The following SNX29 variants were observed in gnomAD, a reference collection of about 807,000 sequenced individuals.
The protein encoded by SNX29 is sorting nexin 29.
In SNX29, 78 loss-of-function variants were observed where a neutral mutation model predicts 102.1. The ratio of observed to expected loss-of-function variants is 0.76; its 90% confidence interval spans 0.64 to 0.92. The LOEUF is 0.92. Among genes scored for constraint, SNX29 ranks in the 40% least tolerant of loss-of-function variants. The pLI is 0.00. For synonymous variants in SNX29, 580 were observed against 414.5 expected (o/e 1.40, Z -4.85); for missense variants, 1,280 against 1,061.7 (o/e 1.21, Z -2.86).
intron 18 of SNX29, among the ~76,000 whole-genome samples, chr16:12,446,868 A>G (rs1332754463): frequency 6.6e-6 from 1 of 152,022 alleles, no homozygotes; most frequent in African/African-American, 2.4e-5. Context: ...GGCAGGATTG[A>G]CATATGTAAA....
intron 20 of SNX29, among the ~76,000 whole-genome samples, chr16:12,553,477 G>T (rs2078120792): frequency 6.6e-6 from 1 of 152,090 alleles, no homozygotes; most frequent in Non-Finnish European, 1.5e-5. Context: ...AGCCCCAGCT[G>T]CTTAGACCAG....
At chr16:12,322,263 G>A (rs771082808) in intron 15 of SNX29, among the ~76,000 whole-genome samples, 1 of 152,112 alleles carries the variant, frequency 6.6e-6, no homozygotes, top group Non-Finnish European at 1.5e-5. Flanking sequence ...TGTGTTCCAC[G>A]CTGGAGCTGG....
At chr16:11,980,965 C>CTTTTTT (rs1289274238) in intron 1 of SNX29, among the ~76,000 whole-genome samples, 2 of 141,896 alleles carry the variant, frequency 1.4e-5, no homozygotes. Flanking sequence ...TTTTCATTTT[C>CTTTTTT]TTTTTTTTTT....
chr16:12,158,675 G>A (rs767173989), intron 13 of SNX29, among the ~76,000 whole-genome samples: 54 of 152,222 alleles, frequency 3.5e-4, no homozygotes, highest in Non-Finnish European at 6.8e-4. Flanking sequence ...GGACAGCGTG[G>A]CATGATGAAA....
chr16:12,332,195 C>T (rs892308860), intron 15 of SNX29, among the ~76,000 whole-genome samples: 1 of 152,176 alleles, frequency 6.6e-6, no homozygotes, highest in South Asian at 2.1e-4. Context: ...AATGAACTTT[C>T]ACCTGACTCA....
intron 15 of SNX29, among the ~76,000 whole-genome samples, chr16:12,294,186 C>T (rs1329926614): frequency 2.6e-5 from 4 of 152,186 alleles, no homozygotes; most frequent in South Asian, 4.1e-4. Context: ...CAGATGTCTG[C>T]GTCTATGGCC....
chr16:12,459,700 C>T (rs2086696177), intron 18 of SNX29, among the ~76,000 whole-genome samples: 1 of 152,144 alleles, frequency 6.6e-6, no homozygotes, highest in Non-Finnish European at 1.5e-5. Context: ...CTTGGGTGTG[C>T]AGAGGAGCAG....
At chr16:12,411,133 A>G (rs904665620) in intron 18 of SNX29, among the ~76,000 whole-genome samples, 6 of 152,202 alleles carry the variant, frequency 3.9e-5, no homozygotes, top group African/African-American at 1.4e-4. Flanking sequence ...TTCCAAATTT[A>G]GGGGAGAGAA....
rs534648447 is a variant in SNX29, at chr16:12,046,467, C to G, written c.499+13C>G. ...ACCATGGCAGCAGGTAAGCCTGGCC[C>G]AGACCAGGGTGCAGGGCCTTGTGAC... is the stretch of plus-strand genomic sequence containing the variant. On this transcript the variant is annotated intron_variant, in intron 6 of 20. Coordinates refer to ENST00000566228, the MANE Select transcript of SNX29 (RefSeq NM_032167.5). 7 of 1,613,516 alleles carry G rather than the reference C, an allele frequency of 4.3e-6. No individual in the cohort carries two copies. Among genetic ancestry groups the G allele is most frequent in the Non-Finnish European group, 4.2e-6 (5 of 1,179,648 alleles).
chr16:12,559,609 C>T (rs146903889), intron 20 of SNX29, among the ~76,000 whole-genome samples: 4 of 152,062 alleles, frequency 2.6e-5, no homozygotes, highest in Non-Finnish European at 5.9e-5. Context: ...GGGACTGCTG[C>T]CACGTGACCT....
chr16:12,101,444 C>T (rs1320663323), intron 11 of SNX29, among the ~76,000 whole-genome samples: 3 of 151,394 alleles, frequency 2.0e-5, no homozygotes, highest in South Asian at 2.1e-4. Context: ...AGTACAGTGG[C>T]GTGATCTTGG....
intron 14 of SNX29, among the ~76,000 whole-genome samples, chr16:12,271,922 C>G (rs2079103019): frequency 6.6e-6 from 1 of 152,162 alleles, no homozygotes; most frequent in East Asian, 1.9e-4. Flanking sequence ...TGTGCCCTGC[C>G]TGGGGTCCAT....
chr16:12,447,867 T>C (rs2086133489), intron 18 of SNX29, among the ~76,000 whole-genome samples: 3 of 152,114 alleles, frequency 2.0e-5, no homozygotes, highest in Non-Finnish European at 1.5e-5. Flanking sequence ...CACATCTGAG[T>C]GTCTCCATTG....
chr16:12,161,688 G>A (rs548501085), intron 13 of SNX29, among the ~76,000 whole-genome samples: 1 of 152,144 alleles, frequency 6.6e-6, no homozygotes, highest in Non-Finnish European at 1.5e-5. Context: ...ACTCCCCCTT[G>A]GTCATGAGTG....
chr16:12,284,037 G>A lies in SNX29; in HGVS notation c.1782+6001G>A, dbSNP rs189504416. Among the ~76,000 whole-genome samples, 389 of 152,342 alleles carry A rather than the reference G, an allele frequency of 2.6e-3. 2 individuals carry two copies. The highest frequency in any genetic ancestry group is 4.3e-3 in the Non-Finnish European group (291 of 68,040). On this transcript the variant is annotated intron_variant, in intron 15 of 20. Coordinates refer to ENST00000566228, the MANE Select transcript of SNX29 (RefSeq NM_032167.5). ...GACACATCCAAGATTGATCTCTTCT[G>A]AGACTCTTGCTTCTTTACCTCTTTT...
At chr16:12,169,041 G>A (rs1477081323) in intron 13 of SNX29, among the ~76,000 whole-genome samples, 1 of 152,202 alleles carries the variant, frequency 6.6e-6, no homozygotes, top group Admixed American at 6.5e-5. Context: ...CTCAAGACTT[G>A]GCCTCACTGC....
chr16:12,159,985 A>G (rs1245984390), intron 13 of SNX29, among the ~76,000 whole-genome samples: 1 of 152,132 alleles, frequency 6.6e-6, no homozygotes, highest in Non-Finnish European at 1.5e-5. Flanking sequence ...TCTATTCTTC[A>G]CCTCTCTTGT....
intron 18 of SNX29, among the ~76,000 whole-genome samples, chr16:12,415,545 G>A (rs1338593357): frequency 5.3e-5 from 8 of 152,264 alleles, no homozygotes; most frequent in African/African-American, 1.2e-4. Flanking sequence ...AGTTCTCCTC[G>A]CAGGCAGGTT....
chr16:12,322,834 C>CAGGATGTGGTCACTAGAGGACCACTGTG (rs1264259627), intron 15 of SNX29, among the ~76,000 whole-genome samples: 1 of 151,882 alleles, frequency 6.6e-6, no homozygotes, highest in African/African-American at 2.4e-5. Flanking sequence ...TGACCACTGT[C>CAGGATGTGGTCACTAGAGGACCACTGTG]AGGATGCGGT....
Sources: allele counts gnomAD v4.1 joint callset (sites outside exome capture counted in the v4.1 genomes callset), GRCh38; gene constraint gnomAD v4.1.1; transcripts MANE v1.5; gene names NCBI Gene and HGNC (gene_info 2026-07-23, HGNC 2026-07-21).